The following ZNF778 variants were observed in gnomAD, a reference collection of about 807,000 sequenced individuals.
ZNF778 encodes the protein zinc finger protein 778.
A neutral mutation model predicts 23.9 loss-of-function variants in ZNF778; 37 were observed. That is an observed-to-expected ratio of 1.54 (90% CI 1.19 to 2.03). The LOEUF is 2.03. Ranked by LOEUF, ZNF778 falls within the 30% of genes most tolerant of loss-of-function variation. The pLI is 0.00. For synonymous variants in ZNF778, 483 were observed against 343.9 expected, an observed-to-expected ratio of 1.40 and a Z score of -4.48; for missense variants, 1,297 against 934.4, an observed-to-expected ratio of 1.39 and a Z score of -5.06.
At position 89,227,367 on chromosome 16, in the gene ZNF778, C is replaced by G. The variant is rs746509738; in HGVS notation, c.1079C>G (p.Pro360Arg). The change falls in exon 7 of 7, where the codon CCT becomes CGT. Residue 360 changes from proline (P) to arginine (R), a missense_variant. Pro to Arg is a moderately radical substitution (Grantham distance 103). Transcript: ENST00000433976. ...SGLSKHVQTD[P>R]GQKPYECKDC... ...CTTTCTAAACACGTCCAAACAGACC[C>G]TGGACAGAAGCCCTATGAATGTAAG... is the stretch of plus-strand genomic sequence containing the variant. 2.5e-6 allele frequency: 4 copies of G among 1,613,838 alleles called. No individual in the cohort carries two copies. Among genetic ancestry groups the G allele is most frequent in the East Asian group, 2.2e-5 (1 of 44,902 alleles).
In ZNF778 at chr16:89,227,415, G is replaced by C. The variant is rs1433871909; in HGVS notation, c.1127G>C (p.Gly376Ala). The C allele has an allele frequency of 2.5e-6, 4 of 1,613,668 alleles. No individual in the cohort carries two copies. Among genetic ancestry groups the C allele is most frequent in the Admixed American group, 1.7e-5 (1 of 59,972 alleles). ...AAGGACTGTGGGAAAGCCTGCGGTG[G>C]GTTTTATCTACTGAATGAGCATGGA... is the stretch of plus-strand genomic sequence containing the variant. ...ECKDCGKACG[G>A]FYLLNEHGKT... The change falls in exon 7 of 7, where the codon GGG (glycine) becomes GCG (alanine). Residue 376 changes from glycine to alanine, a missense_variant. Physicochemically the swap from Gly to Ala is moderately conservative, Grantham distance 60. Transcript: ENST00000433976.
rs781403280 is a variant in ZNF778, at chr16:89,228,310, A to G, written c.2022A>G (p.Ile674Met). The change falls in exon 7 of 7, where the codon ATA becomes ATG. Residue 674 changes from isoleucine to methionine, a missense_variant. Physicochemically the swap from Ile to Met is conservative, Grantham distance 10 (BLOSUM62 1). Transcript: ENST00000433976. ...RRTHTGEKPY[I>M]CNECGKAFRA... ...CTCACACAGGAGAGAAACCTTACATATGTAACGAGTGTGGGAAAGCCTTCC... is the reference window on the plus strand; with the variant it reads ...CTCACACAGGAGAGAAACCTTACATGTGTAACGAGTGTGGGAAAGCCTTCC... 1 of 1,606,900 alleles carries G rather than the reference A, an allele frequency of 6.2e-7. No homozygotes were observed. Among genetic ancestry groups the G allele is most frequent in the Non-Finnish European group, 8.5e-7 (1 of 1,174,372 alleles).
rs1227121922 is a variant in ZNF778, at chr16:89,232,412, T to TA, written c.*3851dup. 32 of 315,542 alleles carry TA rather than the reference T, an allele frequency of 1.0e-4. No homozygotes were observed. The highest frequency in any genetic ancestry group is 9.6e-5 in the Admixed American group (2 of 20,764). The allele number at this position is 315,542 out of a possible 1,614,324, so 19.5% of individuals were successfully genotyped here. ...TTTCTAAGTTACCCACAGCCTCAGA[T>TA]ATGTAGCAACACAGACAGACTAAGA... On this transcript the variant is annotated 3_prime_UTR_variant, in exon 7 of 7. Coordinates refer to ENST00000433976, the MANE Select transcript of ZNF778 (RefSeq NM_001201407.2).
At position 89,233,900 on chromosome 16, in the gene ZNF778, C is replaced by T; in HGVS notation, c.*5338C>T. The T allele has an allele frequency of 1.6e-6, 2 of 1,289,528 alleles. No homozygotes were observed. The highest frequency in any genetic ancestry group is 2.1e-4 in the Middle Eastern group (1 of 4,696). 79.9% of individuals were successfully genotyped at this position (1,289,528 alleles called of 1,614,324 possible). A position where few individuals can be genotyped will look rare whatever the true frequency, so the allele number is the denominator to read the frequency against. ...CAGTATTTCTCCTCCCTGAAGTCAG[C>T]CCAGGATGAGGCACTAGACAGCAGG... is the stretch of plus-strand genomic sequence containing the variant. On this transcript the variant is annotated 3_prime_UTR_variant, in exon 7 of 7. Transcript: ENST00000433976.
At chr16:89,219,485 C>G (rs1294632982) in intron 1 of ZNF778, among the ~76,000 whole-genome samples, 1 of 152,332 alleles carries the variant, frequency 6.6e-6, no homozygotes, top group South Asian at 2.1e-4. Context: ...CCCATGTTAG[C>G]TGTTCCTTCT....
Position 89,230,115 on chromosome 16 carries a change from C to G in ZNF778, c.*1553C>G, listed in dbSNP as rs74033444. The G allele has an allele frequency of 4.7e-3, 3,873 of 816,568 alleles. 115 individuals carry two copies. In the African/African-American group the frequency reaches 0.068, roughly 14 times the overall value. 50.6% of individuals were successfully genotyped at this position (816,568 alleles called of 1,614,324 possible). ...CATGACCCACCTGTAGGGTCCCACA[C>G]TGGCCAATGTTGGGGCATAACACAG... On this transcript the variant is annotated 3_prime_UTR_variant, in exon 7 of 7. Transcript: ENST00000433976.
chr16:89,237,046 C>G lies in ZNF778; in HGVS notation c.*8484C>G, dbSNP rs962949119. On this transcript the variant is annotated 3_prime_UTR_variant, in exon 7 of 7. Transcript: ENST00000433976. ...CGAGATTGTGCCACGGCACTCCAGC[C>G]TGGGTGACAGAGCAAGACTCTGTCT... 3 of 148,978 alleles carry G rather than the reference C, an allele frequency of 2.0e-5. No individual in the cohort carries two copies. The allele number at this position is 148,978 out of a possible 1,614,324, so 9.2% of individuals were successfully genotyped here. A position where few individuals can be genotyped will look rare whatever the true frequency, so the allele number is the denominator to read the frequency against.
chr16:89,227,908 A>G lies in ZNF778; in HGVS notation c.1620A>G (p.Lys540=), dbSNP rs1255567864. 12 of 1,614,082 alleles carry G rather than the reference A, an allele frequency of 7.4e-6. No homozygotes were observed. Among genetic ancestry groups the G allele is most frequent in the Admixed American group, 3.3e-5 (2 of 60,004 alleles). Residue 540 remains lysine, a synonymous_variant, in exon 7 of 7, where the codon AAA becomes AAG. Coordinates refer to ENST00000433976, the MANE Select transcript of ZNF778 (RefSeq NM_001201407.2). ...EKPYECKDCG[K]AYNRVYLLNE... ...CCTATGAATGTAAGGACTGTGGGAA[A>G]GCCTACAATAGGGTTTATCTACTGA...
chr16:89,219,226 C>T (rs1285320330), intron 1 of ZNF778, among the ~76,000 whole-genome samples: 2 of 152,210 alleles, frequency 1.3e-5, no homozygotes, highest in African/African-American at 4.8e-5. Context: ...GACTAAGAGC[C>T]CTTCAAGGTT....
intron 1 of ZNF778, among the ~76,000 whole-genome samples, chr16:89,219,876 C>T (rs1331990861): frequency 6.6e-6 from 1 of 152,226 alleles, no homozygotes; most frequent in Non-Finnish European, 1.5e-5. Flanking sequence ...GGTGCAGTAA[C>T]TTGGAGGTGC....
chr16:89,232,803 T>C lies in ZNF778; in HGVS notation c.*4241T>C, dbSNP rs1467068418. The stretch of plus-strand genomic sequence containing the variant: ...TCACTGCATATGCACATCAACTCAC[T>C]GCATATGCAACTCAACTCACACCGT... On this transcript the variant is annotated 3_prime_UTR_variant, in exon 7 of 7. Coordinates refer to ENST00000433976, the MANE Select transcript of ZNF778 (RefSeq NM_001201407.2). 9 of 1,284,394 alleles carry C rather than the reference T, an allele frequency of 7.0e-6. No individual in the cohort carries two copies. The highest frequency in any genetic ancestry group is 9.1e-6 in the Non-Finnish European group (9 of 988,708). 79.6% of individuals were successfully genotyped at this position (1,284,394 alleles called of 1,614,324 possible).
In ZNF778 at chr16:89,236,714, A is replaced by G. The variant is rs575001865; in HGVS notation, c.*8152A>G. On this transcript the variant is annotated 3_prime_UTR_variant, in exon 7 of 7. Transcript: ENST00000433976. ...GGACGGCGTGGAGGTTCCGTGCTCC[A>G]TTTCAGTGGCAAAATACCATTCCAG... is the stretch of plus-strand genomic sequence containing the variant. 5.3e-5 allele frequency: 8 copies of G among 152,366 alleles called. No individual in the cohort carries two copies. The highest frequency in any genetic ancestry group is 1.0e-4 in the Non-Finnish European group (7 of 68,048). 9.4% of individuals were successfully genotyped at this position (152,366 alleles called of 1,614,324 possible). A position where few individuals can be genotyped will look rare whatever the true frequency, so the allele number is the denominator to read the frequency against.
Position 89,222,174 on chromosome 16 carries a change from T to C in ZNF778, c.108T>C (p.Asn36=). ...AAGMVAGWLI[N]CYQDAVTFDD... is the part of the protein sequence containing the mutation. The stretch of plus-strand genomic sequence containing the variant: ...GGATGGTGGCTGGCTGGCTGATAAA[T>C]TGTTACCAGGTATGCCAAAACTGTA... Residue 36 remains asparagine, a synonymous_variant, in exon 3 of 7, where the codon AAT becomes AAC. Coordinates refer to ENST00000433976, the MANE Select transcript of ZNF778 (RefSeq NM_001201407.2). 1.2e-6 allele frequency: 2 copies of C among 1,604,874 alleles called. No homozygotes were observed. Among genetic ancestry groups the C allele is most frequent in the African/African-American group, 1.3e-5 (1 of 74,720 alleles).
chr16:89,223,245 A>G lies in ZNF778; in HGVS notation c.206A>G (p.Asp69Gly). ...CCATCTCAGAGAGACCTCTACAGAG[A>G]TGTGATGCTGGAAAACTACGAGAAC... ...LDPSQRDLYR[D>G]VMLENYENLA... The change falls in exon 4 of 7, where the codon GAT becomes GGT. Residue 69 changes from aspartate to glycine, a missense_variant. Physicochemically the swap from Asp to Gly is moderately conservative, Grantham distance 94. Coordinates refer to ENST00000433976, the MANE Select transcript of ZNF778 (RefSeq NM_001201407.2). 6.2e-7 allele frequency: 1 copy of G among 1,613,822 alleles called. No individual in the cohort carries two copies. The highest frequency in any genetic ancestry group is 1.1e-5 in the South Asian group (1 of 91,022).
At chr16:89,223,748 G>T (rs1289220968) in intron 4 of ZNF778, among the ~76,000 whole-genome samples, 1 of 152,148 alleles carries the variant, frequency 6.6e-6, no homozygotes, top group Non-Finnish European at 1.5e-5. Context: ...AGTTTCTTTG[G>T]GGCGCAGAAG....
Position 89,232,529 on chromosome 16 carries a change from G to A in ZNF778, c.*3967G>A. On this transcript the variant is annotated 3_prime_UTR_variant, in exon 7 of 7. Transcript: ENST00000433976. ...TTTCTCTTCCTAACTCTCAGAACGT[G>A]TTCTGTGTCACTTAGGGCAACTTAT... The A allele has an allele frequency of 1.2e-6, 1 of 810,530 alleles. No homozygotes were observed. Among genetic ancestry groups the A allele is most frequent in the Non-Finnish European group, 1.7e-6 (1 of 598,068 alleles). 50.2% of individuals were successfully genotyped at this position (810,530 alleles called of 1,614,324 possible).
chr16:89,219,883 G>A (rs751992107), intron 1 of ZNF778, among the ~76,000 whole-genome samples: 1 of 152,256 alleles, frequency 6.6e-6, no homozygotes, highest in Non-Finnish European at 1.5e-5. Flanking sequence ...TAACTTGGAG[G>A]TGCATATCGG....
rs1411824138 is a variant in ZNF778 at position 89,230,881 on chromosome 16, C to T, written c.*2319C>T. 6.6e-6 allele frequency: 1 copy of T among 151,016 alleles called. No homozygotes were observed. The highest frequency in any genetic ancestry group is 1.5e-5 in the Non-Finnish European group (1 of 67,762). 9.4% of individuals were successfully genotyped at this position (151,016 alleles called of 1,614,324 possible). Reference sequence around the variant, plus strand: ...TGAAATCCTGGATGGACAGACCCGTCCACCTTCATGTCACGTGTTTGAAAT... The same window carrying T: ...TGAAATCCTGGATGGACAGACCCGTTCACCTTCATGTCACGTGTTTGAAAT... On this transcript the variant is annotated 3_prime_UTR_variant, in exon 7 of 7. Coordinates refer to ENST00000433976, the MANE Select transcript of ZNF778 (RefSeq NM_001201407.2).
chr16:89,236,758 G>A lies in ZNF778; in HGVS notation c.*8196G>A, dbSNP rs966219308. On this transcript the variant is annotated 3_prime_UTR_variant, in exon 7 of 7. Coordinates refer to ENST00000433976, the MANE Select transcript of ZNF778 (RefSeq NM_001201407.2). ...ATTCCAGAAGGACTGGAAAAGCTAA[G>A]TCTGTATATTTTAATTACTAAAGAA... The A allele has an allele frequency of 3.9e-5, 6 of 152,206 alleles. No individual in the cohort carries two copies. The highest frequency in any genetic ancestry group is 1.4e-4 in the African/African-American group (6 of 41,442). The allele number at this position is 152,206 out of a possible 1,614,324, so 9.4% of individuals were successfully genotyped here. A position where few individuals can be genotyped will look rare whatever the true frequency, so the allele number is the denominator to read the frequency against.
Sources: gnomAD v4.1 joint callset for allele counts (sites outside exome capture counted in the v4.1 genomes callset) on GRCh38, gnomAD v4.1.1 for gene constraint, MANE v1.5 for transcripts, NCBI Gene and HGNC (gene_info 2026-07-23, HGNC 2026-07-21) for gene names.